PTPRN2: variants seen among roughly 807,000 people sequenced by gnomAD.
PTPRN2 encodes receptor-type tyrosine-protein phosphatase N2.
A neutral mutation model predicts 118.8 loss-of-function variants in PTPRN2; 74 were observed. The observed-to-expected ratio is 0.62, with a 90% CI of 0.52 to 0.76. The LOEUF (loss-of-function observed/expected upper bound fraction) is 0.76, where lower values mean the gene tolerates loss of function less well. Ranked by LOEUF, PTPRN2 falls within the 30% of genes least tolerant of loss-of-function variation. The pLI is 0.00. For missense variants in PTPRN2, 1,481 were observed against 1,394.4 expected (o/e 1.06, Z -0.99); for synonymous variants, 641 against 608.0 (o/e 1.05, Z -0.80).
At chr7:158,366,200 GCA>G (rs549641502) in intron 2 of PTPRN2, among the ~76,000 whole-genome samples, 8 of 115,252 alleles carry the variant, frequency 6.9e-5, no homozygotes, top group African/African-American at 1.0e-4. Flanking sequence ...GTGTGCAAAT[GCA>G]CACACACACA....
At chr7:157,592,079 G>A (rs1234303037) in intron 17 of PTPRN2, among the ~76,000 whole-genome samples, 4 of 152,172 alleles carry the variant, frequency 2.6e-5, no homozygotes, top group Non-Finnish European at 4.4e-5. Context: ...CCTGCTGTCC[G>A]AGATGTGTCT....
At chr7:158,336,267 C>G (rs1418765280) in intron 2 of PTPRN2, among the ~76,000 whole-genome samples, 2 of 91,666 alleles carry the variant, frequency 2.2e-5, no homozygotes, top group African/African-American at 8.7e-5. Context: ...CACTCACACT[C>G]TAGCCATAAG....
At chr7:158,501,469 A>C (rs2129446368) in intron 1 of PTPRN2, among the ~76,000 whole-genome samples, 1 of 152,300 alleles carries the variant, frequency 6.6e-6, no homozygotes, top group Non-Finnish European at 1.5e-5. Flanking sequence ...TCTGCTGGGA[A>C]GCCCTGTTCC....
intron 1 of PTPRN2, among the ~76,000 whole-genome samples, chr7:158,536,360 G>A (rs1231326853): frequency 1.3e-5 from 2 of 152,212 alleles, no homozygotes; most frequent in Non-Finnish European, 2.9e-5. Context: ...GTGCTGCCCT[G>A]CCTTGTCTAT....
chr7:158,386,492 C>T (rs1006105335), intron 2 of PTPRN2, among the ~76,000 whole-genome samples: 5 of 152,124 alleles, frequency 3.3e-5, no homozygotes, highest in Admixed American at 2.6e-4. Context: ...ATCCAATTCC[C>T]CTCGGGACCA....
chr7:157,598,239 G>A lies in PTPRN2; in HGVS notation c.2419-2924C>T, dbSNP rs55647063. 2.5e-3 allele frequency among the ~76,000 whole-genome samples: 379 copies of A among 152,212 alleles called. 1 individual carries two copies. The highest frequency in any genetic ancestry group is 3.9e-3 in the Non-Finnish European group (266 of 68,028). On this transcript the variant is annotated intron_variant, in intron 16 of 22. Transcript: ENST00000389418. This position sits in a 1 kb window ranked among gnomAD's most constrained non-coding sequence, Gnocchi z 5.2. The stretch of plus-strand genomic sequence containing the variant: ...CACGGCACCTACTCTGGCTTCCTCC[G>A]GTCTTCATTCTTACCCTTCGCCTCC...
intron 9 of PTPRN2, among the ~76,000 whole-genome samples, chr7:158,132,962 C>T (rs1818494711): frequency 6.6e-6 from 1 of 152,146 alleles, no homozygotes; most frequent in Non-Finnish European, 1.5e-5. Context: ...TTGAAGAAAA[C>T]ACAACACTTG....
chr7:157,568,237 C>T (rs972343213), intron 21 of PTPRN2, among the ~76,000 whole-genome samples: 5 of 152,216 alleles, frequency 3.3e-5, no homozygotes, highest in Non-Finnish European at 7.3e-5. Context: ...GTCTAAGACT[C>T]CCCACGCCGT....
intron 6 of PTPRN2, among the ~76,000 whole-genome samples, chr7:158,160,827 C>T (rs1444317673): frequency 1.3e-5 from 2 of 152,160 alleles, no homozygotes; most frequent in African/African-American, 4.8e-5. Context: ...TATCTGAGGG[C>T]TTATGTCTGC....
At chr7:157,982,310 G>A (rs1207302706) in intron 11 of PTPRN2, among the ~76,000 whole-genome samples, 9 of 81,264 alleles carry the variant, frequency 1.1e-4, no homozygotes, top group African/African-American at 4.6e-4. Context: ...CCCAAACCCT[G>A]AGTCATAGAG....
At chr7:157,638,033 T>C (rs1217239094) in intron 14 of PTPRN2, among the ~76,000 whole-genome samples, 1 of 152,222 alleles carries the variant, frequency 6.6e-6, no homozygotes, top group Admixed American at 6.5e-5. Context: ...TCACTGAAAG[T>C]AGAATGTTTT....
chr7:158,456,415 C>T (rs940771787), intron 2 of PTPRN2, among the ~76,000 whole-genome samples: 14 of 150,674 alleles, frequency 9.3e-5, no homozygotes, highest in South Asian at 2.1e-4. Context: ...CGGACGCCAT[C>T]GGCCACGGCC....
At chr7:157,752,141 C>T (rs1274136311) in intron 12 of PTPRN2, among the ~76,000 whole-genome samples, 1 of 152,220 alleles carries the variant, frequency 6.6e-6, no homozygotes, top group Non-Finnish European at 1.5e-5. Context: ...CTCTTCAGAG[C>T]CCACCTGCCT....
rs80194791 is a variant in PTPRN2 at position 157,929,703 on chromosome 7, G to A, written c.1724-30966C>T. On this transcript the variant is annotated intron_variant, in intron 11 of 22. Transcript: ENST00000389418. The surrounding 1 kb of genome is among the most constrained non-coding windows in gnomAD (Gnocchi z 4.4). ...CTACTGTAAGACTTCCCTGTCCCTC[G>A]GGTGGGGGCGGCATCCTCACAGGGG... Among the ~76,000 whole-genome samples, 5 of 94,206 alleles carry A rather than the reference G, an allele frequency of 5.3e-5. No homozygotes were observed. The highest frequency in any genetic ancestry group is 3.7e-4 in the East Asian group (1 of 2,712). The allele number at this position is 94,206 out of a possible 152,430, so 61.8% of individuals were successfully genotyped here. A position where few individuals can be genotyped will look rare whatever the true frequency, so the allele number is the denominator to read the frequency against.
At chr7:158,530,602 C>T (rs939573528) in intron 1 of PTPRN2, among the ~76,000 whole-genome samples, 1 of 152,186 alleles carries the variant, frequency 6.6e-6, no homozygotes, top group Admixed American at 6.5e-5. Context: ...AGCTACAGCA[C>T]ACGTGTGAGA....
chr7:158,575,083 A>C (rs74954458), intron 1 of PTPRN2, among the ~76,000 whole-genome samples: 2 of 152,244 alleles, frequency 1.3e-5, no homozygotes, highest in African/African-American at 4.8e-5. Flanking sequence ...AACTATTTCA[A>C]CATTTGGAAC....
At chr7:157,772,148 GAC>G (rs1802883631) in intron 12 of PTPRN2, among the ~76,000 whole-genome samples, 1 of 143,936 alleles carries the variant, frequency 6.9e-6, no homozygotes, top group Non-Finnish European at 1.5e-5. Flanking sequence ...CACACACACA[GAC>G]ACAAACACAC....
intron 12 of PTPRN2, among the ~76,000 whole-genome samples, chr7:157,747,405 A>T (rs1182985500): frequency 3.9e-4 from 50 of 129,732 alleles, no homozygotes; most frequent in Middle Eastern, 4.5e-3. Context: ...GGTGATTCTG[A>T]GGCCTGCGTC....
chr7:157,609,110 C>T lies in PTPRN2; in HGVS notation c.2345-5035G>A, dbSNP rs974730978. 5.3e-5 allele frequency among the ~76,000 whole-genome samples: 8 copies of T among 152,156 alleles called. No homozygotes were observed. Among genetic ancestry groups the T allele is most frequent in the Non-Finnish European group, 1.2e-4 (8 of 68,028 alleles). ...GTTCAACAATATTTCAGGCCGGCCGCGGTGGCTCACACCTATAATCCCAGT... is the reference window on the plus strand; with the variant it reads ...GTTCAACAATATTTCAGGCCGGCCGTGGTGGCTCACACCTATAATCCCAGT... On this transcript the variant is annotated intron_variant, in intron 15 of 22. Coordinates refer to ENST00000389418, the MANE Select transcript of PTPRN2 (RefSeq NM_002847.5). This position sits in a 1 kb window ranked among gnomAD's most constrained non-coding sequence, Gnocchi z 4.9.
Sources: gnomAD v4.1 joint callset for allele counts (sites outside exome capture counted in the v4.1 genomes callset) on GRCh38, gnomAD v4.1.1 for gene constraint, Gnocchi (gnomAD v3.1) non-coding constraint, MANE v1.5 for transcripts, NCBI Gene and HGNC (gene_info 2026-07-23, HGNC 2026-07-21) for gene names.